The following PPFIBP2 variants were observed in gnomAD, a reference collection of about 807,000 sequenced individuals.
PPFIBP2 encodes PPFIB scaffold protein 2.
Under a neutral mutation model 118.3 loss-of-function variants are expected in PPFIBP2, and 118 were observed. The observed-to-expected ratio is 1.00, with a 90% CI of 0.86 to 1.16. The LOEUF is 1.16. PPFIBP2 is among the 50% of genes most tolerant of loss of function. The pLI is 0.00. For synonymous variants in PPFIBP2, 414 were observed against 397.4 expected, an observed-to-expected ratio of 1.04 and a Z score of -0.50; for missense variants, 1,195 against 1,073.1, an observed-to-expected ratio of 1.11 and a Z score of -1.59.
intron 2 of PPFIBP2, among the ~76,000 whole-genome samples, chr11:7,563,177 G>T (rs1307784214): frequency 6.6e-6 from 1 of 151,898 alleles, no homozygotes; most frequent in Non-Finnish European, 1.5e-5. Flanking sequence ...CCACCTTTTA[G>T]CCTGACTCAC....
chr11:7,635,315 G>C (rs1851310983), intron 13 of PPFIBP2, among the ~76,000 whole-genome samples: 1 of 152,172 alleles, frequency 6.6e-6, no homozygotes, highest in Admixed American at 6.5e-5. Flanking sequence ...CTGCTCCCAT[G>C]GTCACGTGTC....
chr11:7,524,129 C>CAT (rs1554940033), intron 1 of PPFIBP2, among the ~76,000 whole-genome samples: 11 of 150,846 alleles, frequency 7.3e-5, no homozygotes, highest in Admixed American at 7.3e-4. Context: ...TGTGTCTGTG[C>CAT]GTGTGTGTGT....
At chr11:7,666,612 C>T in the PPFIBP2 span, 1 of 1,240,196 alleles carries the variant, frequency 8.1e-7, no homozygotes, top group South Asian at 1.3e-5. Context: ...CCTGGACTGA[C>T]TACACCGGTC....
intron 6 of PPFIBP2, chr11:7,617,026 C>A: frequency 1.4e-6 from 1 of 696,232 alleles, no homozygotes; most frequent in Non-Finnish European, 1.8e-6. Flanking sequence ...ATGCACACTT[C>A]CTCTGTGCTG....
chr11:7,590,902 C>A (rs1004647449), intron 3 of PPFIBP2, among the ~76,000 whole-genome samples: 1 of 152,202 alleles, frequency 6.6e-6, no homozygotes, highest in Non-Finnish European at 1.5e-5. Flanking sequence ...CGTGAAGTTT[C>A]TCCCTTGCTC....
In PPFIBP2 at chr11:7,536,477, A is replaced by C. The variant is rs146714077; in HGVS notation, c.-36-12963A>C. 3.6e-3 allele frequency among the ~76,000 whole-genome samples: 554 copies of C among 152,156 alleles called. 5 individuals carry two copies. Among genetic ancestry groups the C allele is most frequent in the African/African-American group, 0.013 (537 of 41,498 alleles). ...TGCAGATTCAGTTTGGAGGGGGAAT[A>C]ATTGAGAGGTTGGATCTCAGTGATG... On this transcript the variant is annotated intron_variant, in intron 1 of 23. Coordinates refer to ENST00000299492, the MANE Select transcript of PPFIBP2 (RefSeq NM_003621.5).
In PPFIBP2 at chr11:7,629,474, G is replaced by T; in HGVS notation, c.904G>T (p.Glu302Ter). 6.2e-7 allele frequency: 1 copy of T among 1,614,100 alleles called. No individual in the cohort carries two copies. The highest frequency in any genetic ancestry group is 1.1e-5 in the South Asian group (1 of 91,074). Reference protein sequence around the residue: ...ANEDKDRRIEELTGLLNQYRK... With the variant: ...ANEDKDRRIE ...ACTATGGCAGGACCGTCGGATAGAG[G>T]AGCTTACGGGGCTGTTAAACCAGTA... is the stretch of plus-strand genomic sequence containing the variant. Residue 302 changes from glutamate (E) to a stop codon, truncating the protein, a stop_gained, in exon 10 of 24, where the codon GAG becomes TAG. Transcript: ENST00000299492. LOFTEE classifies it high-confidence loss of function.
intron 9 of PPFIBP2, 42 bp from the exon 10 acceptor site, chr11:7,629,417 C>A (rs1342810708): frequency 1.9e-6 from 3 of 1,574,052 alleles, no homozygotes; most frequent in South Asian, 2.2e-5. Flanking sequence ...ATCTGAGATG[C>A]CAGCATAGCA....
chr11:7,521,706 C>T (rs1294679187), intron 1 of PPFIBP2, among the ~76,000 whole-genome samples: 1 of 152,250 alleles, frequency 6.6e-6, no homozygotes, highest in African/African-American at 2.4e-5. Context: ...TGCGTGGCCC[C>T]ACACTTAGCA....
intron 5 of PPFIBP2, among the ~76,000 whole-genome samples, chr11:7,601,295 C>A (rs1180940593): frequency 6.6e-6 from 1 of 152,224 alleles, no homozygotes; most frequent in Admixed American, 6.5e-5. Context: ...CCAGAAAGAG[C>A]AAGAAGACCT....
intron 3 of PPFIBP2, among the ~76,000 whole-genome samples, chr11:7,590,395 C>T (rs78895924): frequency 6.6e-6 from 1 of 151,924 alleles, no homozygotes; most frequent in African/African-American, 2.4e-5. Context: ...TTTGAAGGAC[C>T]TGTAGAAGAG....
At chr11:7,649,745 C>T (rs1853690378) in intron 21 of PPFIBP2, 91 bp downstream of exon 21, 2 of 1,548,038 alleles carry the variant, frequency 1.3e-6, no homozygotes, top group African/African-American at 2.7e-5. Flanking sequence ...ATCATAAAAG[C>T]ACTGTTTTTT....
intron 21 of PPFIBP2, 24 bp downstream of exon 21, chr11:7,649,678 C>T: frequency 6.2e-7 from 1 of 1,613,614 alleles, no homozygotes; most frequent in Non-Finnish European, 8.5e-7. Context: ...TAGTATCTCT[C>T]CAGGTAGCCC....
intron 3 of PPFIBP2, among the ~76,000 whole-genome samples, chr11:7,591,799 G>T (rs958965215): frequency 6.6e-6 from 1 of 152,200 alleles, no homozygotes; most frequent in Non-Finnish European, 1.5e-5. Flanking sequence ...TCACTAGTGC[G>T]CATCCAGGGT....
chr11:7,523,578 G>C (rs1251821956), intron 1 of PPFIBP2, among the ~76,000 whole-genome samples: 1 of 152,166 alleles, frequency 6.6e-6, no homozygotes, highest in East Asian at 1.9e-4. Flanking sequence ...ATGGTAAAGT[G>C]TCAGGGACAG....
At chr11:7,666,875 C>T in the PPFIBP2 span, 22 of 194,110 alleles carry the variant, frequency 1.1e-4, no homozygotes, top group Non-Finnish European at 2.1e-4. Flanking sequence ...CTGCCTCCTA[C>T]ATCTACACTG....
chr11:7,542,007 C>A (rs1199415719), intron 1 of PPFIBP2, among the ~76,000 whole-genome samples: 1 of 152,172 alleles, frequency 6.6e-6, no homozygotes, highest in Non-Finnish European at 1.5e-5. Flanking sequence ...TCATCTCTTG[C>A]CGGGTTTCCT....
Position 7,648,427 on chromosome 11 carries a change from G to A in PPFIBP2, c.1687G>A (p.Val563Met), listed in dbSNP as rs373124195. Residue 563 changes from valine to methionine, a missense_variant, in exon 18 of 24, where the codon GTG (valine) becomes ATG (methionine). Val to Met is a conservative substitution (Grantham distance 21). Coordinates refer to ENST00000299492, the MANE Select transcript of PPFIBP2 (RefSeq NM_003621.5). ...CTTTGCCCAGTGGAGCACAGAGCGTGTGTGTGCATGGCTGGAGGACTTTGG... is the reference window on the plus strand; with the variant it reads ...CTTTGCCCAGTGGAGCACAGAGCGTATGTGTGCATGGCTGGAGGACTTTGG... ...APFAQWSTER[V>M]CAWLEDFGLA... 4.9e-5 allele frequency: 79 copies of A among 1,614,060 alleles called. No homozygotes were observed. Among genetic ancestry groups the A allele is most frequent in the Non-Finnish European group, 6.7e-5 (79 of 1,180,052 alleles).
At chr11:7,526,823 T>C (rs567795127) in intron 1 of PPFIBP2, among the ~76,000 whole-genome samples, 1 of 152,196 alleles carries the variant, frequency 6.6e-6, no homozygotes, top group East Asian at 2.0e-4. Context: ...TCTGAGCAAA[T>C]GTCTTTGTGG....
Sources: gnomAD v4.1 joint callset for allele counts (sites outside exome capture counted in the v4.1 genomes callset) on GRCh38, gnomAD v4.1.1 for gene constraint, MANE v1.5 for transcripts, NCBI Gene and HGNC (gene_info 2026-07-23, HGNC 2026-07-21) for gene names.